PCDHA3: variants seen among roughly 807,000 people sequenced by gnomAD.
PCDHA3 encodes the protein protocadherin alpha-3.
PCDHA3 carries 41 observed loss-of-function variants against 62.2 expected under a neutral mutation model. The ratio of observed to expected loss-of-function variants is 0.66; its 90% CI spans 0.51 to 0.86. The LOEUF (loss-of-function observed/expected upper bound fraction) is 0.86, where lower values mean the gene tolerates loss of function less well. Ranked by LOEUF, PCDHA3 falls within the 40% of genes least tolerant of loss-of-function variation. The pLI, the probability that PCDHA3 is intolerant of heterozygous loss-of-function variation, is 0.00. For synonymous variants in PCDHA3, 640 were observed against 555.4 expected (o/e 1.15, Z -2.14); for missense variants, 1,304 against 1,241.2 (o/e 1.05, Z -0.76).
chr5:140,861,578 C>A (rs1425852721), intron 1 of PCDHA3: 2 of 361,296 alleles, frequency 5.5e-6, no homozygotes, highest in Non-Finnish European at 1.1e-5. Flanking sequence ...TACAGGTTTT[C>A]CATGTGGAGG....
At chr5:141,007,706 C>T (rs1269578685) in intron 3 of PCDHA3, among the ~76,000 whole-genome samples, 1 of 152,218 alleles carries the variant, frequency 6.6e-6, no homozygotes, top group Non-Finnish European at 1.5e-5. Flanking sequence ...TCCTCTGCCT[C>T]CCACCACCAG....
intron 1 of PCDHA3, chr5:140,967,008 A>C: frequency 6.2e-7 from 1 of 1,606,216 alleles, no homozygotes. Context: ...CGCATCAACC[A>C]TCTGGGTGCG....
chr5:140,969,106 A>G, intron 1 of PCDHA3: 1 of 1,614,132 alleles, frequency 6.2e-7, no homozygotes, highest in Non-Finnish European at 8.5e-7. Flanking sequence ...ACTTCATTGA[A>G]GTTCGAGGGA....
intron 1 of PCDHA3, among the ~76,000 whole-genome samples, chr5:140,948,690 T>C (rs1241278993): frequency 6.6e-6 from 1 of 151,592 alleles, no homozygotes; most frequent in Non-Finnish European, 1.5e-5. Context: ...TTTTTGATAT[T>C]GGTGATTTGT....
chr5:140,851,342 C>G, intron 1 of PCDHA3: 1 of 978,740 alleles, frequency 1.0e-6, no homozygotes, highest in Non-Finnish European at 1.2e-6. Context: ...CTCTACATTT[C>G]TCTGGATGGA....
At chr5:140,828,490 C>G in intron 1 of PCDHA3, 2 of 1,614,172 alleles carry the variant, frequency 1.2e-6, no homozygotes, top group Non-Finnish European at 1.7e-6. Context: ...CGCCCTTGTT[C>G]CCGGTAGAGG....
chr5:140,826,337 GAACCC>G (rs1768904080), intron 1 of PCDHA3, among the ~76,000 whole-genome samples: 1 of 152,056 alleles, frequency 6.6e-6, no homozygotes, highest in Non-Finnish European at 1.5e-5. Flanking sequence ...TTAAGAAATT[GAACCC>G]TTTGTTTGCC....
rs80062832 is a variant in PCDHA3 at position 140,889,250 on chromosome 5, C to T, written c.2394+85659C>T. ...AAAACTTCCAGAAAATTTTCTGTTT[C>T]CTGTAAAAGTTTGTATAATCTTTGA... On this transcript the variant is annotated intron_variant, in intron 1 of 3. Transcript: ENST00000522353. Among the ~76,000 whole-genome samples, 79 of 151,798 alleles carry T rather than the reference C, an allele frequency of 5.2e-4. No homozygotes were observed. In the East Asian group the frequency reaches 0.014, roughly 27 times the overall value.
chr5:140,927,921 G>A, intron 1 of PCDHA3: 2 of 1,614,194 alleles, frequency 1.2e-6, no homozygotes, highest in South Asian at 1.1e-5. Context: ...TGGACTTCCT[G>A]ACTCTTTCGA....
At chr5:140,899,512 G>T (rs4386771) in intron 1 of PCDHA3, among the ~76,000 whole-genome samples, 1 of 152,040 alleles carries the variant, frequency 6.6e-6, no homozygotes, top group African/African-American at 2.4e-5. Flanking sequence ...TGCATATATT[G>T]CATCCCAGGG....
intron 1 of PCDHA3, chr5:140,842,506 C>T: frequency 6.2e-7 from 1 of 1,613,804 alleles, no homozygotes; most frequent in South Asian, 1.1e-5. Context: ...ATGTCCCCTT[C>T]AAGCTGGTGT....
At chr5:140,948,784 T>C (rs1486580473) in intron 1 of PCDHA3, among the ~76,000 whole-genome samples, 6 of 151,646 alleles carry the variant, frequency 4.0e-5, no homozygotes, top group African/African-American at 1.4e-4. Flanking sequence ...CTTTTGGCTT[T>C]GTTGATATAT....
chr5:140,822,298 G>A (rs782270445), intron 1 of PCDHA3: 4 of 1,614,222 alleles, frequency 2.5e-6, no homozygotes, highest in Non-Finnish European at 3.4e-6. Flanking sequence ...AAATCCAAAC[G>A]AATATTTTGA....
rs192969362 is a variant in PCDHA3 at position 140,893,205 on chromosome 5, T to C, written c.2395-85744T>C. On this transcript the variant is annotated intron_variant, in intron 1 of 3. Transcript: ENST00000522353. ...CTATTGTGAATAGTGCTGCAGTAAG[T>C]ATGGGAGGTGCAGGTATCACTTTGA... Among the ~76,000 whole-genome samples, 9 of 152,220 alleles carry C rather than the reference T, an allele frequency of 5.9e-5. No homozygotes were observed. The East Asian group carries it at 9.6e-4, about 16-fold the overall frequency.
At chr5:140,911,275 G>A (rs1048648150) in intron 1 of PCDHA3, among the ~76,000 whole-genome samples, 1 of 152,164 alleles carries the variant, frequency 6.6e-6, no homozygotes, top group Non-Finnish European at 1.5e-5. Context: ...AGTGTCCCCA[G>A]CTTCATCAGG....
intron 1 of PCDHA3, among the ~76,000 whole-genome samples, chr5:140,934,702 C>T (rs538683438): frequency 1.3e-5 from 2 of 152,158 alleles, no homozygotes; most frequent in South Asian, 4.2e-4. Context: ...GATTCCTGGC[C>T]ATCTTACAAA....
chr5:140,997,409 A>G (rs1378198322), intron 3 of PCDHA3, among the ~76,000 whole-genome samples: 2 of 152,180 alleles, frequency 1.3e-5, no homozygotes, highest in Non-Finnish European at 1.5e-5. Flanking sequence ...CGTATGGCCT[A>G]TTTCTCCTAG....
chr5:140,801,335 C>T lies in PCDHA3; in HGVS notation c.138C>T (p.Gly46=), dbSNP rs782420366. ...SEEAKHGTFV[G]RIAQDLGLEL... is the part of the protein sequence containing the mutation. The stretch of plus-strand genomic sequence containing the variant: ...AGGCCAAGCATGGCACCTTCGTGGG[C>T]CGCATCGCGCAGGACCTGGGGCTGG... The change falls in exon 1 of 4, where the codon GGC becomes GGT. Residue 46 remains glycine, a synonymous_variant. Transcript: ENST00000522353. 2 of 1,613,244 alleles carry T rather than the reference C, an allele frequency of 1.2e-6. No homozygotes were observed. The highest frequency in any genetic ancestry group is 8.5e-7 in the Non-Finnish European group (1 of 1,179,914).
chr5:140,817,612 A>T (rs924358781), intron 1 of PCDHA3: 1 of 152,206 alleles, frequency 6.6e-6, no homozygotes, highest in Admixed American at 6.5e-5. Context: ...TAAGACCTTG[A>T]ATCATTATAC....
Sources: gnomAD v4.1 joint callset for allele counts (sites outside exome capture counted in the v4.1 genomes callset) on GRCh38, gnomAD v4.1.1 for gene constraint, MANE v1.5 for transcripts, NCBI Gene and HGNC (gene_info 2026-07-23, HGNC 2026-07-21) for gene names.